HDAC4: variants seen among roughly 807,000 people sequenced by gnomAD.
HDAC4 encodes histone deacetylase 4.
In HDAC4, 16 loss-of-function variants were observed where a neutral mutation model predicts 135.1. The ratio of observed to expected loss-of-function variants is 0.12; its 90% CI spans 0.08 to 0.18. The LOEUF is 0.18. Among genes scored for constraint, HDAC4 ranks in the 10% least tolerant of loss-of-function variants. HDAC4 has a pLI of 1.00. For missense variants in HDAC4, 1,143 were observed against 1,511.8 expected (o/e 0.76, Z 4.05); for synonymous variants, 685 against 653.4 (o/e 1.05, Z -0.74).
intron 9 of HDAC4, among the ~76,000 whole-genome samples, chr2:239,137,328 G>A (rs914862383): frequency 2.0e-5 from 3 of 152,230 alleles, no homozygotes; most frequent in East Asian, 3.9e-4. Context: ...CCAGGCACGC[G>A]TGTAAATAAC....
intron 16 of HDAC4, among the ~76,000 whole-genome samples, chr2:239,102,285 A>G (rs982228343): frequency 1.2e-4 from 19 of 152,198 alleles, no homozygotes; most frequent in Non-Finnish European, 1.8e-4. Flanking sequence ...CGGGCAGAGG[A>G]TGCCCATTAG....
chr2:239,316,786 T>C (rs2053130768), intron 2 of HDAC4, among the ~76,000 whole-genome samples: 1 of 151,990 alleles, frequency 6.6e-6, no homozygotes, highest in South Asian at 2.1e-4. Flanking sequence ...AAAGAAAGGG[T>C]AGCTCATGGG....
Position 239,395,514 on chromosome 2 carries a change from A to T in HDAC4, c.-220+5464T>A, listed in dbSNP as rs554987210. ...GGACTTAAAGAGTACTTTTCTTTCCAATGAAGATATCTAAATGTTTTCAAA... is the reference window on the plus strand; with the variant it reads ...GGACTTAAAGAGTACTTTTCTTTCCTATGAAGATATCTAAATGTTTTCAAA... On this transcript the variant is annotated intron_variant, in intron 1 of 26. Coordinates refer to ENST00000543185, the MANE Select transcript of HDAC4 (RefSeq NM_001378414.1). 5.4e-4 allele frequency among the ~76,000 whole-genome samples: 83 copies of T among 152,348 alleles called. 1 individual carries two copies. Among genetic ancestry groups the T allele is most frequent in the African/African-American group, 1.9e-3 (80 of 41,582 alleles).
In HDAC4 at chr2:239,307,233, A is replaced by G. The variant is rs539773255; in HGVS notation, c.22+45445T>C. Among the ~76,000 whole-genome samples, 2 of 152,278 alleles carry G rather than the reference A, an allele frequency of 1.3e-5. No individual in the cohort carries two copies. The highest frequency in any genetic ancestry group is 1.9e-4 in the East Asian group (1 of 5,152). Reference sequence around the variant, plus strand: ...GGCCTGGGGCAGGCTCCGTGCCCCAATGGTCATCCTCAGATGAGTGGGGGC... The same window carrying G: ...GGCCTGGGGCAGGCTCCGTGCCCCAGTGGTCATCCTCAGATGAGTGGGGGC... On this transcript the variant is annotated intron_variant, in intron 2 of 26. Coordinates refer to ENST00000543185, the MANE Select transcript of HDAC4 (RefSeq NM_001378414.1). This position sits in a 1 kb window ranked among gnomAD's most constrained non-coding sequence, Gnocchi z 4.8.
intron 22 of HDAC4, among the ~76,000 whole-genome samples, chr2:239,076,235 A>AG (rs1035891836): frequency 2.6e-5 from 4 of 151,694 alleles, no homozygotes; most frequent in African/African-American, 9.7e-5. Context: ...TCGGCTTCCC[A>AG]GGGGGAACAG....
intron 2 of HDAC4, among the ~76,000 whole-genome samples, chr2:239,332,104 G>A (rs981178106): frequency 6.6e-6 from 1 of 152,074 alleles, no homozygotes; most frequent in Non-Finnish European, 1.5e-5. Flanking sequence ...ATAAACAAAG[G>A]CTAAACCTGA....
intron 2 of HDAC4, among the ~76,000 whole-genome samples, chr2:239,295,915 C>A (rs929930481): frequency 6.6e-6 from 1 of 152,232 alleles, no homozygotes; most frequent in African/African-American, 2.4e-5. Flanking sequence ...CCAACTCACA[C>A]TTCATTTGCA....
chr2:239,199,991 G>A lies in HDAC4; in HGVS notation c.95-9914C>T, dbSNP rs562171915. Among the ~76,000 whole-genome samples the A allele has an allele frequency of 7.2e-5, 11 of 152,222 alleles. No individual in the cohort carries two copies. In the East Asian group the frequency reaches 2.1e-3, roughly 29 times the overall value. On this transcript the variant is annotated intron_variant, in intron 3 of 26. Coordinates refer to ENST00000543185, the MANE Select transcript of HDAC4 (RefSeq NM_001378414.1). ...CTGACCTCATGATCCATCTGCCTCG[G>A]CCTCCCAAAGTGCTGGGATTACAGG...
chr2:239,222,814 AG>A (rs1276317947), intron 3 of HDAC4, among the ~76,000 whole-genome samples: 1 of 152,214 alleles, frequency 6.6e-6, no homozygotes, highest in African/African-American at 2.4e-5. Flanking sequence ...TCGTCCTCAC[AG>A]CCCCCTGAAG....
intron 1 of HDAC4, among the ~76,000 whole-genome samples, chr2:239,396,125 C>T (rs769803061): frequency 4.0e-5 from 6 of 151,446 alleles, no homozygotes; most frequent in Non-Finnish European, 7.4e-5. Flanking sequence ...TACAGGCACA[C>T]GACGTCATGC....
At chr2:239,218,748 C>T (rs1175456205) in intron 3 of HDAC4, among the ~76,000 whole-genome samples, 5 of 133,614 alleles carry the variant, frequency 3.7e-5, no homozygotes, top group Non-Finnish European at 6.4e-5. Flanking sequence ...CCAGAATCTA[C>T]AATGAACTCA....
intron 7 of HDAC4, among the ~76,000 whole-genome samples, chr2:239,149,227 C>A (rs756203329): frequency 2.8e-4 from 42 of 151,886 alleles, no homozygotes; most frequent in Non-Finnish European, 5.3e-4. Context: ...CATGGTGAAA[C>A]CCGTCTCTAC....
Position 239,328,586 on chromosome 2 carries a change from G to A in HDAC4, c.22+24092C>T, listed in dbSNP as rs530011677. On this transcript the variant is annotated intron_variant, in intron 2 of 26. Coordinates refer to ENST00000543185, the MANE Select transcript of HDAC4 (RefSeq NM_001378414.1). ...AACGAGGAAAACATCCTATCCATGA[G>A]AGTGGGGAGCTGGTGGGGGAGGAAA... Among the ~76,000 whole-genome samples, 4 of 152,334 alleles carry A rather than the reference G, an allele frequency of 2.6e-5. No homozygotes were observed. The East Asian group carries it at 7.7e-4, about 29-fold the overall frequency.
chr2:239,293,559 A>G (rs2051664330), intron 2 of HDAC4, among the ~76,000 whole-genome samples: 1 of 152,166 alleles, frequency 6.6e-6, no homozygotes, highest in Admixed American at 6.5e-5. Flanking sequence ...AGGGGTCAAG[A>G]GCCAGGCAGA....
chr2:239,161,136 C>A (rs60389739), intron 6 of HDAC4, among the ~76,000 whole-genome samples: 1 of 152,076 alleles, frequency 6.6e-6, no homozygotes, highest in Non-Finnish European at 1.5e-5. Flanking sequence ...TTTAAGTGGG[C>A]GGCTTGTCTT....
chr2:239,244,544 G>GTA lies in HDAC4; in HGVS notation c.23-7882_23-7881dup, dbSNP rs1195360052. 2.0e-5 allele frequency among the ~76,000 whole-genome samples: 3 copies of GTA among 152,210 alleles called. No individual in the cohort carries two copies. The East Asian group carries it at 5.8e-4, about 29-fold the overall frequency. ...AGGCCTCTAACCTGTGTGACCAGAG[G>GTA]TAGTAGAATTTTACTGGCACTCTGA... is the stretch of plus-strand genomic sequence containing the variant. On this transcript the variant is annotated intron_variant, in intron 2 of 26. Coordinates refer to ENST00000543185, the MANE Select transcript of HDAC4 (RefSeq NM_001378414.1).
chr2:239,396,912 C>A (rs758835395), intron 1 of HDAC4, among the ~76,000 whole-genome samples: 2 of 152,202 alleles, frequency 1.3e-5, no homozygotes, highest in African/African-American at 2.4e-5. Flanking sequence ...AGCTCCCTTC[C>A]GTCACCCCCA....
At chr2:239,150,332 T>A (rs1490047708) in intron 7 of HDAC4, among the ~76,000 whole-genome samples, 2 of 148,246 alleles carry the variant, frequency 1.3e-5, no homozygotes, top group Non-Finnish European at 3.0e-5. Flanking sequence ...GAAACACAGA[T>A]ACAGAAACAG....
intron 3 of HDAC4, among the ~76,000 whole-genome samples, chr2:239,192,956 G>GT (rs2045100485): frequency 2.0e-5 from 3 of 152,252 alleles, no homozygotes; most frequent in Admixed American, 1.3e-4. Flanking sequence ...TAGAATGCTG[G>GT]TGTCTATATT....
Sources: gnomAD v4.1 joint callset for allele counts (sites outside exome capture counted in the v4.1 genomes callset) on GRCh38, gnomAD v4.1.1 for gene constraint, Gnocchi (gnomAD v3.1) non-coding constraint, MANE v1.5 for transcripts, NCBI Gene and HGNC (gene_info 2026-07-23, HGNC 2026-07-21) for gene names.